The following THSD7B variants were observed in gnomAD, a reference collection of about 807,000 sequenced individuals.
THSD7B encodes thrombospondin type-1 domain-containing protein 7B.
A neutral mutation model predicts 213.6 loss-of-function variants in THSD7B; 138 were observed. The ratio of observed to expected loss-of-function variants is 0.65; its 90% CI spans 0.56 to 0.74. The LOEUF is 0.74. THSD7B is among the 30% of genes least tolerant of loss of function. The pLI, the probability that THSD7B is intolerant of heterozygous loss-of-function variation, is 0.00. For synonymous variants in THSD7B, 742 were observed against 687.0 expected (o/e 1.08, Z -1.25); for missense variants, 1,931 against 1,991.5 (o/e 0.97, Z 0.58).
At chr2:137,065,469 T>C (rs1288328508) in intron 3 of THSD7B, among the ~76,000 whole-genome samples, 1 of 152,108 alleles carries the variant, frequency 6.6e-6, no homozygotes, top group Non-Finnish European at 1.5e-5. Context: ...CTTCTTCCTT[T>C]CCAGTTCGGT....
chr2:137,290,469 G>T (rs1160418080), intron 12 of THSD7B, among the ~76,000 whole-genome samples: 1 of 152,012 alleles, frequency 6.6e-6, no homozygotes, highest in Non-Finnish European at 1.5e-5. Context: ...TCTCTCTACT[G>T]CTCAGATCCC....
At chr2:137,202,965 T>A (rs1258525287) in intron 7 of THSD7B, among the ~76,000 whole-genome samples, 1 of 152,052 alleles carries the variant, frequency 6.6e-6, no homozygotes, top group Non-Finnish European at 1.5e-5. Flanking sequence ...AGGTGATACA[T>A]GTGTAGATAG....
intron 1 of THSD7B, among the ~76,000 whole-genome samples, chr2:136,810,350 G>A (rs1343597549): frequency 6.6e-6 from 1 of 152,206 alleles, no homozygotes; most frequent in Admixed American, 6.5e-5. Flanking sequence ...GCAGATAGAA[G>A]TGAAACTTCC....
intron 10 of THSD7B, among the ~76,000 whole-genome samples, chr2:137,269,483 A>G (rs1201647163): frequency 6.6e-6 from 1 of 152,200 alleles, no homozygotes; most frequent in Non-Finnish European, 1.5e-5. Context: ...TTCTCCCTCC[A>G]TGTGAGGTGA....
At chr2:137,497,769 A>G (rs1180060177) in intron 15 of THSD7B, among the ~76,000 whole-genome samples, 1 of 152,138 alleles carries the variant, frequency 6.6e-6, no homozygotes, top group Non-Finnish European at 1.5e-5. Flanking sequence ...AAATAAAAGC[A>G]TTATTAAATG....
chr2:137,010,874 AGTG>A (rs1686218233), intron 2 of THSD7B, among the ~76,000 whole-genome samples: 1 of 152,162 alleles, frequency 6.6e-6, no homozygotes, highest in South Asian at 2.1e-4. Context: ...AATTTCAAGT[AGTG>A]GTAAGTGACT....
At chr2:137,561,115 C>T (rs979438732) in intron 15 of THSD7B, among the ~76,000 whole-genome samples, 1 of 152,192 alleles carries the variant, frequency 6.6e-6, no homozygotes, top group Non-Finnish European at 1.5e-5. Context: ...GGTATCTCCA[C>T]ATCTTCCTAT....
chr2:137,652,240 G>A (rs1683153767), intron 21 of THSD7B, among the ~76,000 whole-genome samples: 1 of 151,968 alleles, frequency 6.6e-6, no homozygotes, highest in Non-Finnish European at 1.5e-5. Flanking sequence ...GGGAAGTCCA[G>A]TGTTGGGTCT....
Position 137,056,439 on chromosome 2 carries a change from A to T in THSD7B, c.159A>T (p.Thr53=). 6.2e-7 allele frequency: 1 copy of T among 1,613,692 alleles called. No homozygotes were observed. Among genetic ancestry groups the T allele is most frequent in the Non-Finnish European group, 8.5e-7 (1 of 1,179,724 alleles). ...CTGTAGGTCCGTGGGGAAGGTGTAC[A>T]GGAGACTGTGGTCCCGGAGGAGTCC... ...IWKPGPWGRC[T]GDCGPGGVQS... Residue 53 remains threonine (T), a synonymous_variant, in exon 3 of 28, where the codon ACA becomes ACT. Transcript: ENST00000409968.
intron 2 of THSD7B, among the ~76,000 whole-genome samples, chr2:137,030,403 T>A (rs188478435): frequency 2.2e-3 from 336 of 152,294 alleles, no homozygotes; most frequent in African/African-American, 7.9e-3. Flanking sequence ...TATGGCCCAG[T>A]AGGCACGAGT....
intron 14 of THSD7B, among the ~76,000 whole-genome samples, chr2:137,424,260 T>G (rs1686990680): frequency 6.6e-6 from 1 of 152,150 alleles, no homozygotes; most frequent in Non-Finnish European, 1.5e-5. Context: ...CAGAGACTTC[T>G]TAGATACTAC....
chr2:137,302,359 G>A (rs796494601), intron 12 of THSD7B, among the ~76,000 whole-genome samples: 2 of 152,138 alleles, frequency 1.3e-5, no homozygotes, highest in Admixed American at 6.5e-5. Context: ...TGGACATCAA[G>A]AGAAGGAAAT....
intron 21 of THSD7B, among the ~76,000 whole-genome samples, chr2:137,648,146 T>G (rs1450371109): frequency 6.6e-6 from 1 of 152,238 alleles, no homozygotes. Flanking sequence ...ATGTGATAAC[T>G]TAGTATATTC....
chr2:137,363,185 CAATGAGAACA>C (rs1460012129), intron 12 of THSD7B, among the ~76,000 whole-genome samples: 2 of 152,040 alleles, frequency 1.3e-5, no homozygotes, highest in African/African-American at 4.8e-5. Context: ...TCTTTGAAAC[CAATGAGAACA>C]AAGACATAAT....
intron 20 of THSD7B, among the ~76,000 whole-genome samples, chr2:137,626,463 C>CAAA (rs34778966): frequency 1.1e-5 from 1 of 93,582 alleles, no homozygotes; most frequent in Non-Finnish European, 2.3e-5. Flanking sequence ...GACTCTGTCT[C>CAAA]AAAAAAAAAA....
intron 1 of THSD7B, among the ~76,000 whole-genome samples, chr2:136,784,535 G>A (rs1681804249): frequency 6.9e-6 from 1 of 144,080 alleles, no homozygotes; most frequent in Non-Finnish European, 1.5e-5. Context: ...ATAGAAGGCT[G>A]TTAAATTATT....
At chr2:137,344,026 A>T (rs1430035204) in intron 12 of THSD7B, among the ~76,000 whole-genome samples, 1 of 151,740 alleles carries the variant, frequency 6.6e-6, no homozygotes, top group African/African-American at 2.4e-5. Flanking sequence ...GGTCTAAGAC[A>T]GGAGCTCCCA....
intron 10 of THSD7B, among the ~76,000 whole-genome samples, chr2:137,261,158 G>T (rs1682436610): frequency 6.6e-6 from 1 of 152,038 alleles, no homozygotes. Context: ...GAGGCTCACT[G>T]TTCAAAGACA....
In THSD7B at chr2:137,324,806, CAAATT is replaced by C. The variant is rs772595535; in HGVS notation, c.2500+48784_2500+48788del. 7.9e-5 allele frequency among the ~76,000 whole-genome samples: 12 copies of C among 152,264 alleles called. No homozygotes were observed. The South Asian group carries it at 2.1e-3, about 26-fold the overall frequency. On this transcript the variant is annotated intron_variant, in intron 12 of 27. Transcript: ENST00000409968. ...TGTTTCAAAGATAGGATCAAGAAGA[CAAATT>C]AAAATTAGGAAGGAGGACAAAATCG...
Sources: allele counts gnomAD v4.1 joint callset (sites outside exome capture counted in the v4.1 genomes callset), GRCh38; gene constraint gnomAD v4.1.1; transcripts MANE v1.5; gene names NCBI Gene and HGNC (gene_info 2026-07-23, HGNC 2026-07-21).